The following THBS4 variants were observed in gnomAD, a reference collection of about 807,000 sequenced individuals.
THBS4 encodes the protein thrombospondin 4.
Under a neutral mutation model 115.7 loss-of-function variants are expected in THBS4, and 90 were observed. The ratio of observed to expected loss-of-function variants is 0.78; its 90% CI spans 0.66 to 0.93. The LOEUF (loss-of-function observed/expected upper bound fraction) is 0.93. Ranked by LOEUF, THBS4 falls within the 40% of genes least tolerant of loss-of-function variation. The pLI, the probability that THBS4 is intolerant of heterozygous loss-of-function variation, is 0.00. For missense variants in THBS4, 1,087 were observed against 1,232.7 expected, an observed-to-expected ratio of 0.88 and a Z score of 1.77; for synonymous variants, 460 against 479.3, an observed-to-expected ratio of 0.96 and a Z score of 0.53.
chr5:80,016,322 G>A (rs1011858266), intron 2 of THBS4, among the ~76,000 whole-genome samples: 1 of 152,104 alleles, frequency 6.6e-6, no homozygotes, highest in African/African-American at 2.4e-5. Flanking sequence ...CTAATTCTTG[G>A]GGTCACCCCA....
At chr5:80,000,154 T>G (rs547938555) in intron 2 of THBS4, among the ~76,000 whole-genome samples, 2 of 152,318 alleles carry the variant, frequency 1.3e-5, no homozygotes, top group East Asian at 3.9e-4. Flanking sequence ...ATTACTGTAC[T>G]TACACCATTT....
chr5:80,077,126 A>C, intron 16 of THBS4, 78 bp downstream of exon 16: 1 of 1,342,752 alleles, frequency 7.4e-7, no homozygotes, highest in South Asian at 1.6e-5. Flanking sequence ...GCCTCTCTCC[A>C]GGCACCAACT....
intron 2 of THBS4, among the ~76,000 whole-genome samples, chr5:80,050,336 A>T (rs1035490508): frequency 3.9e-5 from 6 of 152,160 alleles, no homozygotes; most frequent in Non-Finnish European, 8.8e-5. Flanking sequence ...ATAATTTTGC[A>T]GGTAGGGGCT....
chr5:80,061,904 G>C, intron 8 of THBS4, 72 bp downstream of exon 8: 8 of 1,466,144 alleles, frequency 5.5e-6, no homozygotes, highest in Non-Finnish European at 7.3e-6. Flanking sequence ...CCACCTCTTT[G>C]GTATAAACCT....
chr5:80,005,312 A>G (rs781274737), intron 2 of THBS4, among the ~76,000 whole-genome samples: 2 of 152,170 alleles, frequency 1.3e-5, no homozygotes, highest in African/African-American at 4.8e-5. Flanking sequence ...TAGATTATGG[A>G]TTTCTCAAGG....
intron 13 of THBS4, among the ~76,000 whole-genome samples, chr5:80,071,541 C>A (rs1834055760): frequency 6.6e-6 from 1 of 152,114 alleles, no homozygotes; most frequent in South Asian, 2.1e-4. Context: ...AAGTGGAGAA[C>A]TGAATGAGAA....
chr5:80,063,221 G>A (rs545729053), intron 8 of THBS4, among the ~76,000 whole-genome samples: 8 of 152,174 alleles, frequency 5.3e-5, no homozygotes, highest in East Asian at 1.9e-4. Flanking sequence ...TTTAATGATC[G>A]CCATTCTAAC....
exon 1 of THBS4, chr5:79,991,381 G>C: frequency 1.3e-6 from 1 of 756,366 alleles, no homozygotes; most frequent in South Asian, 2.3e-5. Flanking sequence ...GAGGGATTAA[G>C]AAGAACTCTT....
intron 1 of THBS4, among the ~76,000 whole-genome samples, chr5:79,996,690 C>A (rs76055086): frequency 6.6e-6 from 1 of 152,106 alleles, no homozygotes; most frequent in Non-Finnish European, 1.5e-5. Flanking sequence ...CATTTTGCTC[C>A]TCCAGCATAG....
intron 1 of THBS4, among the ~76,000 whole-genome samples, chr5:79,996,851 C>T (rs968382055): frequency 1.3e-5 from 2 of 151,886 alleles, no homozygotes; most frequent in African/African-American, 4.8e-5. Context: ...AAATAAGGAC[C>T]TTATAATGGA....
chr5:80,024,650 T>C (rs1307598964), intron 2 of THBS4, among the ~76,000 whole-genome samples: 10 of 152,180 alleles, frequency 6.6e-5, no homozygotes, highest in Non-Finnish European at 1.5e-4. Flanking sequence ...CAGAGCTATA[T>C]CATGATGTAG....
At chr5:80,000,085 A>T (rs1831866912) in intron 2 of THBS4, among the ~76,000 whole-genome samples, 1 of 152,200 alleles carries the variant, frequency 6.6e-6, no homozygotes, top group Non-Finnish European at 1.5e-5. Flanking sequence ...AGAATGGCAT[A>T]TTAACTTCTT....
chr5:80,072,092 G>C, intron 13 of THBS4, 186 bp from the exon 14 acceptor site: 2 of 636,928 alleles, frequency 3.1e-6, no homozygotes, highest in African/African-American at 1.8e-5. Context: ...ATACCTCTGA[G>C]AGCTGTTCAT....
chr5:80,037,987 C>A (rs1047598680), intron 1 of THBS4, among the ~76,000 whole-genome samples: 3 of 152,032 alleles, frequency 2.0e-5, no homozygotes, highest in Admixed American at 6.6e-5. Flanking sequence ...GTGTAAGGAC[C>A]CCTGGTACAT....
chr5:80,033,226 A>C, upstream of THBS4: 1 of 449,160 alleles, frequency 2.2e-6, no homozygotes, highest in Non-Finnish European at 4.6e-6. Flanking sequence ...GATGGGGAAC[A>C]CACGTCCAGA....
intron 2 of THBS4, chr5:80,052,519 G>C (rs1833287936): frequency 1.3e-5 from 2 of 152,034 alleles, no homozygotes; most frequent in African/African-American, 4.8e-5. Context: ...AGGAAACTTA[G>C]TATTGTTCTG....
In THBS4 at chr5:80,055,939, G is replaced by A. The variant is rs1833414016; in HGVS notation, c.447G>A (p.Gln149=). Residue 149 remains glutamine, a synonymous_variant, in exon 3 of 22, where the codon CAG becomes CAA. Coordinates refer to ENST00000350881, the MANE Select transcript of THBS4 (RefSeq NM_003248.6). ...GSLELYLDCI[Q]VDSVHNLPRA... ...TAGAGCTCTACCTGGACTGCATCCA[G>A]GTGGATTCCGTTCACAATCTCCCCA... is the stretch of plus-strand genomic sequence containing the variant. The A allele has an allele frequency of 6.2e-7, 1 of 1,614,186 alleles. No individual in the cohort carries two copies. The highest frequency in any genetic ancestry group is 1.1e-5 in the South Asian group (1 of 91,080).
At chr5:80,058,399 G>A (rs1020716279) in intron 4 of THBS4, 85 bp downstream of exon 4, 4 of 1,002,858 alleles carry the variant, frequency 4.0e-6, no homozygotes, top group Non-Finnish European at 6.0e-6. Context: ...ACCGAAAAGT[G>A]GGACTGTCAA....
intron 9 of THBS4, chr5:80,067,088 A>G (rs1188896215): frequency 2.6e-5 from 4 of 152,204 alleles, no homozygotes; most frequent in Non-Finnish European, 5.9e-5. Flanking sequence ...AAAAGATCTA[A>G]TGTACAGCAT....
Sources: gnomAD v4.1 joint callset for allele counts (sites outside exome capture counted in the v4.1 genomes callset) on GRCh38, gnomAD v4.1.1 for gene constraint, MANE v1.5 for transcripts, NCBI Gene and HGNC (gene_info 2026-07-23, HGNC 2026-07-21) for gene names.